The following CACHD1 variants were observed in gnomAD, a reference collection of about 807,000 sequenced individuals.
The protein encoded by CACHD1 is cache domain containing 1, also known as VWFA and cache domain-containing protein 1.
CACHD1 carries 71 observed loss-of-function variants against 138.7 expected under a neutral mutation model. The ratio of observed to expected loss-of-function variants is 0.51; its 90% CI spans 0.42 to 0.62. The LOEUF (loss-of-function observed/expected upper bound fraction) is 0.62. CACHD1 is among the 20% of genes least tolerant of loss of function. CACHD1 has a pLI of 0.00. For synonymous variants in CACHD1, 578 were observed against 591.5 expected (o/e 0.98, Z 0.33); for missense variants, 1,389 against 1,625.3 (o/e 0.85, Z 2.50).
intron 4 of CACHD1, among the ~76,000 whole-genome samples, chr1:64,622,669 C>T (rs1035456070): frequency 6.6e-6 from 1 of 152,138 alleles, no homozygotes; most frequent in Non-Finnish European, 1.5e-5. Flanking sequence ...GTGTTAAAGG[C>T]AAGCACACCT....
chr1:64,603,241 A>G, intron 4 of CACHD1, among the ~76,000 whole-genome samples: 1 of 150,834 alleles, frequency 6.6e-6, no homozygotes, highest in Admixed American at 6.6e-5. Flanking sequence ...AGTAGCTGGG[A>G]CTACAGGCGC....
In CACHD1 at chr1:64,691,608, T is replaced by A; in HGVS notation, c.*47T>A. The A allele has an allele frequency of 6.4e-7, 1 of 1,559,016 alleles. No homozygotes were observed. The highest frequency in any genetic ancestry group is 1.4e-5 in the African/African-American group (1 of 73,734). ...AAGATGAGATCTGGGAGCTACAGAATGTTCTGGAAAGAAAAAGAACCGGCT... is the reference window on the plus strand; with the variant it reads ...AAGATGAGATCTGGGAGCTACAGAAAGTTCTGGAAAGAAAAAGAACCGGCT... On this transcript the variant is annotated 3_prime_UTR_variant, in exon 27 of 27. Coordinates refer to ENST00000651257, the MANE Select transcript of CACHD1 (RefSeq NM_020925.4).
At chr1:64,684,363 C>CTTTTTTTTTTTTTTTT (rs397980387) in intron 26 of CACHD1, among the ~76,000 whole-genome samples, 9 of 54,982 alleles carry the variant, frequency 1.6e-4, no homozygotes, top group South Asian at 6.6e-4. Context: ...TCTTCTTCTT[C>CTTTTTTTTTTTTTTTT]TTTTTTTTTT....
In CACHD1 at chr1:64,499,320, T is replaced by TA. The variant is rs1224945183; in HGVS notation, c.198+28379dup. On this transcript the variant is annotated intron_variant, in intron 1 of 26. Transcript: ENST00000651257. Reference sequence around the variant, plus strand: ...AATTGGATTCTAGCAACTGGAACAATACGCTTCCTTAGTTCACTGCATTCA... The same window carrying TA: ...AATTGGATTCTAGCAACTGGAACAATAACGCTTCCTTAGTTCACTGCATTCA... Among the ~76,000 whole-genome samples the TA allele has an allele frequency of 3.4e-4, 52 of 152,194 alleles. 1 individual carries two copies. The highest frequency in any genetic ancestry group is 1.0e-4 in the Non-Finnish European group (7 of 68,040).
intron 16 of CACHD1, among the ~76,000 whole-genome samples, chr1:64,667,993 A>G (rs1649689959): frequency 1.3e-5 from 2 of 152,204 alleles, no homozygotes; most frequent in Admixed American, 6.5e-5. Context: ...TGTTGGTCCA[A>G]GTGAATCACA....
At chr1:64,612,871 A>G (rs1647582566) in intron 4 of CACHD1, among the ~76,000 whole-genome samples, 1 of 152,224 alleles carries the variant, frequency 6.6e-6, no homozygotes, top group African/African-American at 2.4e-5. Flanking sequence ...TATTTAAGAA[A>G]TACATTTCAT....
At chr1:64,596,759 C>T (rs1647156152) in intron 3 of CACHD1, among the ~76,000 whole-genome samples, 1 of 152,164 alleles carries the variant, frequency 6.6e-6, no homozygotes, top group South Asian at 2.1e-4. Flanking sequence ...TGATTAAAAA[C>T]AAGCAAACAA....
chr1:64,549,605 G>C (rs1303151282), intron 1 of CACHD1, among the ~76,000 whole-genome samples: 1 of 152,010 alleles, frequency 6.6e-6, no homozygotes, highest in Non-Finnish European at 1.5e-5. Context: ...CTTATCTTCT[G>C]TACCACAACC....
intron 8 of CACHD1, among the ~76,000 whole-genome samples, chr1:64,644,626 TTC>T (rs1648843462): frequency 6.6e-6 from 1 of 152,244 alleles, no homozygotes; most frequent in South Asian, 2.1e-4. Context: ...TCTTTTTCTC[TTC>T]TCTTTCTTCC....
rs770238595 is a variant in CACHD1 at position 64,691,488 on chromosome 1, A to G, written c.3752A>G (p.His1251Arg). 1.2e-6 allele frequency: 2 copies of G among 1,613,986 alleles called. No individual in the cohort carries two copies. The highest frequency in any genetic ancestry group is 1.7e-6 in the Non-Finnish European group (2 of 1,179,982). The change falls in exon 27 of 27, where the codon CAC becomes CGC. Residue 1251 changes from histidine (H) to arginine (R), a missense_variant. Transcript: ENST00000651257. ...CACAAGTTCCACCACTACCGGTCAC[A>G]CCACCCTACACTTCATCATAGCCAC... ...LSHKFHHYRS[H>R]HPTLHHSHHL...
chr1:64,689,414 T>C (rs1570488566), intron 26 of CACHD1, among the ~76,000 whole-genome samples: 1 of 152,104 alleles, frequency 6.6e-6, no homozygotes, highest in Admixed American at 6.5e-5. Context: ...CTTACCAATT[T>C]CTCTTGCCTC....
intron 1 of CACHD1, among the ~76,000 whole-genome samples, chr1:64,508,484 A>C (rs1383602131): frequency 6.6e-6 from 1 of 152,170 alleles, no homozygotes; most frequent in Non-Finnish European, 1.5e-5. Flanking sequence ...GTGACCTTGG[A>C]TTAGCAAATT....
At chr1:64,624,090 A>T (rs759962436) in intron 4 of CACHD1, among the ~76,000 whole-genome samples, 2 of 152,188 alleles carry the variant, frequency 1.3e-5, no homozygotes, top group African/African-American at 4.8e-5. Flanking sequence ...GCCGCCTGGG[A>T]TGCACAGCAC....
At chr1:64,605,079 G>A (rs1647296879) in intron 4 of CACHD1, among the ~76,000 whole-genome samples, 1 of 150,706 alleles carries the variant, frequency 6.6e-6, no homozygotes, top group African/African-American at 2.4e-5. Flanking sequence ...CGATTCTCCT[G>A]CCTCAGTCTC....
chr1:64,516,017 T>A (rs79278967), intron 1 of CACHD1, among the ~76,000 whole-genome samples: 1 of 152,200 alleles, frequency 6.6e-6, no homozygotes, highest in Non-Finnish European at 1.5e-5. Context: ...AGATTGTTAA[T>A]AGGATTTTCA....
intron 3 of CACHD1, among the ~76,000 whole-genome samples, chr1:64,593,939 C>T (rs1647128454): frequency 6.6e-6 from 1 of 152,160 alleles, no homozygotes; most frequent in Non-Finnish European, 1.5e-5. Flanking sequence ...TCTCTGCCCA[C>T]CTCCCTCATC....
intron 2 of CACHD1, among the ~76,000 whole-genome samples, chr1:64,561,436 A>C (rs1334875197): frequency 6.6e-6 from 1 of 152,182 alleles, no homozygotes; most frequent in Non-Finnish European, 1.5e-5. Context: ...TATATTTCTT[A>C]TGCTCTTTGT....
At chr1:64,606,133 A>ACACACACACG (rs1557516395) in intron 4 of CACHD1, among the ~76,000 whole-genome samples, 2 of 151,418 alleles carry the variant, frequency 1.3e-5, no homozygotes, top group African/African-American at 2.4e-5. Context: ...ACACACACGC[A>ACACACACACG]CACACACGCA....
At chr1:64,666,298 T>C (rs1649631075) in intron 16 of CACHD1, 131 bp downstream of exon 16, 1 of 529,432 alleles carries the variant, frequency 1.9e-6, no homozygotes, top group African/African-American at 1.9e-5. Flanking sequence ...CAGCTGGGAT[T>C]TGAACATCTT....
Sources: allele counts gnomAD v4.1 joint callset (sites outside exome capture counted in the v4.1 genomes callset), GRCh38; gene constraint gnomAD v4.1.1; transcripts MANE v1.5; gene names NCBI Gene and HGNC (gene_info 2026-07-23, HGNC 2026-07-21).